TAB2: variants seen among roughly 807,000 people sequenced by gnomAD.
TAB2 encodes TGF-beta activated kinase 1 (MAP3K7) binding protein 2.
TAB2 carries 3 observed loss-of-function variants against 65.0 expected under a neutral mutation model. That is an observed-to-expected ratio of 0.05 (90% CI 0.02 to 0.12). TAB2 has a LOEUF of 0.12. Ranked by LOEUF, TAB2 falls within the 10% of genes least tolerant of loss-of-function variation. The probability of loss-of-function intolerance (pLI) is 1.00; values close to 1 mark genes in which losing one functional copy is unlikely to be tolerated. For missense variants in TAB2, 623 were observed against 840.3 expected (o/e 0.74, Z 3.20); for synonymous variants, 298 against 285.1 (o/e 1.05, Z -0.46).
chr6:149,382,021 T>C (rs1400138679), intron 3 of TAB2, among the ~76,000 whole-genome samples: 3 of 152,204 alleles, frequency 2.0e-5, no homozygotes, highest in Non-Finnish European at 2.9e-5. Flanking sequence ...GTTAAAAATA[T>C]GCATCAGATC....
intron 1 of TAB2, among the ~76,000 whole-genome samples, chr6:149,332,066 A>G (rs773348082): frequency 5.9e-5 from 9 of 152,068 alleles, no homozygotes; most frequent in Admixed American, 1.3e-4. Context: ...AAGGATGACA[A>G]GAGATTTTTG....
intron 1 of TAB2, among the ~76,000 whole-genome samples, chr6:149,285,948 C>A: frequency 6.6e-6 from 1 of 152,122 alleles, no homozygotes; most frequent in East Asian, 1.9e-4. Flanking sequence ...CGTTGAGAAC[C>A]ACTGCTCTAA....
chr6:149,397,472 C>A (rs1583157932), intron 3 of TAB2, 132 bp from the exon 4 acceptor site: 3 of 1,064,210 alleles, frequency 2.8e-6, no homozygotes, highest in East Asian at 2.4e-5. Context: ...ATTTTAAATG[C>A]CTAAACTTAC....
chr6:149,347,517 A>G (rs1780344623), intron 1 of TAB2, among the ~76,000 whole-genome samples: 1 of 152,200 alleles, frequency 6.6e-6, no homozygotes. Context: ...ACTTAAAATA[A>G]GTAGCATTTG....
intron 1 of TAB2, among the ~76,000 whole-genome samples, chr6:149,306,363 A>G (rs970041700): frequency 1.3e-5 from 2 of 151,932 alleles, no homozygotes; most frequent in Non-Finnish European, 2.9e-5. Context: ...ACACGGTGAA[A>G]CCCCGTCTCC....
chr6:149,224,315 C>A (rs552541287), intron 1 of TAB2, among the ~76,000 whole-genome samples: 3 of 152,302 alleles, frequency 2.0e-5, no homozygotes, highest in African/African-American at 4.8e-5. Flanking sequence ...TGGAAGATAG[C>A]CAAAGCCTCC....
chr6:149,305,876 A>C (rs185558696), intron 1 of TAB2, among the ~76,000 whole-genome samples: 51 of 152,348 alleles, frequency 3.3e-4, no homozygotes, highest in Admixed American at 1.7e-3. Context: ...TTGGAAAAGA[A>C]ATGTTTAGAA....
At chr6:149,406,660 T>G (rs1583167334) in intron 6 of TAB2, among the ~76,000 whole-genome samples, 1 of 152,256 alleles carries the variant, frequency 6.6e-6, no homozygotes, top group East Asian at 1.9e-4. Context: ...ATTTTCACAT[T>G]CTCCTTTCAC....
rs960933750 is a variant in TAB2 at position 149,277,842 on chromosome 6, G to A, written c.-121+59066G>A. 2.6e-5 allele frequency among the ~76,000 whole-genome samples: 4 copies of A among 152,034 alleles called. No individual in the cohort carries two copies. The East Asian group carries it at 7.7e-4, about 29-fold the overall frequency. On this transcript the variant is annotated intron_variant, in intron 1 of 1. Transcript: ENST00000606202. ...CAAAACAGAAACATCAGAATTAAAG[G>A]CATCATATTCATTTTAGTATTTTGA...
chr6:149,391,899 C>T (rs1326262012), intron 3 of TAB2, among the ~76,000 whole-genome samples: 5 of 152,016 alleles, frequency 3.3e-5, no homozygotes, highest in Non-Finnish European at 7.4e-5. Context: ...TTCCGACTCA[C>T]ATATGAAATT....
intron 1 of TAB2, among the ~76,000 whole-genome samples, chr6:149,311,418 C>T (rs1234428680): frequency 6.6e-6 from 1 of 152,204 alleles, no homozygotes; most frequent in African/African-American, 2.4e-5. Flanking sequence ...TTCTCTTAAA[C>T]TGTCTACCCG....
intron 1 of TAB2, among the ~76,000 whole-genome samples, chr6:149,349,200 C>CACA (rs1237441723): frequency 6.6e-6 from 1 of 151,864 alleles, no homozygotes; most frequent in East Asian, 1.9e-4. Context: ...GCGGGTTGAT[C>CACA]ACAAGGCCAG....
chr6:149,284,656 A>G (rs1399527045), intron 1 of TAB2, among the ~76,000 whole-genome samples: 1 of 47,326 alleles, frequency 2.1e-5, no homozygotes, highest in Admixed American at 2.2e-4. Flanking sequence ...ACACACACAC[A>G]CACACACACA....
chr6:149,223,162 G>A (rs1029700800), intron 1 of TAB2, among the ~76,000 whole-genome samples: 10 of 152,154 alleles, frequency 6.6e-5, no homozygotes, highest in African/African-American at 2.4e-4. Flanking sequence ...AAATTCAAAA[G>A]GAATGTTTCT....
At chr6:149,401,736 A>G (rs2114955794) in intron 6 of TAB2, among the ~76,000 whole-genome samples, 1 of 152,290 alleles carries the variant, frequency 6.6e-6, no homozygotes, top group Middle Eastern at 3.4e-3. Flanking sequence ...ACGAGTTTAA[A>G]CAAACCTAAG....
intron 1 of TAB2, among the ~76,000 whole-genome samples, chr6:149,277,110 C>A (rs1191441799): frequency 6.6e-6 from 1 of 152,200 alleles, no homozygotes; most frequent in African/African-American, 2.4e-5. Flanking sequence ...ATTGTCAGGC[C>A]TCCCCAGCCA....
At chr6:149,292,552 G>A (rs1778796445) in intron 1 of TAB2, among the ~76,000 whole-genome samples, 1 of 152,180 alleles carries the variant, frequency 6.6e-6, no homozygotes, top group Non-Finnish European at 1.5e-5. Flanking sequence ...TGTTTTAAAT[G>A]GAAGAAGAAC....
intron 2 of TAB2, among the ~76,000 whole-genome samples, chr6:149,375,657 TAGA>T (rs1781374506): frequency 6.6e-6 from 1 of 152,088 alleles, no homozygotes; most frequent in Non-Finnish European, 1.5e-5. Context: ...AGCTTTGGCT[TAGA>T]AGGAAGAAGA....
rs745966790 is a variant in TAB2 at position 149,403,234 on chromosome 6, T to TAAA, written c.1939+4062_1939+4064dup. On this transcript the variant is annotated intron_variant, in intron 6 of 6. Transcript: ENST00000637181. Reference sequence around the variant, plus strand: ...GGGCAACGGGAGCGAAACTCTTGTCTAAAAAAAAAAAAAATATATATATAT... The same window carrying TAAA: ...GGGCAACGGGAGCGAAACTCTTGTCTAAAAAAAAAAAAAAAAATATATATATAT... Among the ~76,000 whole-genome samples the TAAA allele has an allele frequency of 5.4e-4, 36 of 66,072 alleles. 1 individual carries two copies. Among genetic ancestry groups the TAAA allele is most frequent in the African/African-American group, 2.5e-3 (31 of 12,314 alleles). 43.3% of individuals were successfully genotyped at this position (66,072 alleles called of 152,430 possible).
Sources: gnomAD v4.1 joint callset for allele counts (sites outside exome capture counted in the v4.1 genomes callset) on GRCh38, gnomAD v4.1.1 for gene constraint, MANE v1.5 for transcripts, NCBI Gene and HGNC (gene_info 2026-07-23, HGNC 2026-07-21) for gene names.